CDH13: variants seen among roughly 807,000 people sequenced by gnomAD.
CDH13 encodes the protein cadherin 13.
In CDH13, 24 loss-of-function variants were observed where a neutral mutation model predicts 63.8. The ratio of observed to expected loss-of-function variants is 0.38; its 90% CI spans 0.27 to 0.53. The LOEUF (loss-of-function observed/expected upper bound fraction) is 0.53. Ranked by LOEUF, CDH13 falls within the 20% of genes least tolerant of loss-of-function variation. The pLI is 0.85. For synonymous variants in CDH13, 503 were observed against 355.3 expected (o/e 1.42, Z -4.67); for missense variants, 1,049 against 903.1 (o/e 1.16, Z -2.07).
chr16:83,420,287 C>A (rs2071678393), intron 6 of CDH13, among the ~76,000 whole-genome samples: 1 of 152,070 alleles, frequency 6.6e-6, no homozygotes, highest in African/African-American at 2.4e-5. Flanking sequence ...CAACTAAGGT[C>A]AGTGAAAATT....
At chr16:83,382,433 C>T (rs904421799) in intron 6 of CDH13, among the ~76,000 whole-genome samples, 2 of 152,084 alleles carry the variant, frequency 1.3e-5, no homozygotes, top group Admixed American at 6.5e-5. Context: ...TTCCATACCC[C>T]CTCATGCTGA....
chr16:83,590,871 A>G (rs1906668040), intron 7 of CDH13, among the ~76,000 whole-genome samples: 1 of 149,790 alleles, frequency 6.7e-6, no homozygotes, highest in African/African-American at 2.5e-5. Flanking sequence ...GTGGGCTGTC[A>G]ATCTGTGTTT....
At position 83,424,837 on chromosome 16, in the gene CDH13, C is replaced by T. The variant is rs184106499; in HGVS notation, c.782-61640C>T. ...AAGGTTGATTAGACAGGTAGCTCTT[C>T]GCAGCTTGTGCACTCTCCCTTTGTT... On this transcript the variant is annotated intron_variant, in intron 6 of 13. Transcript: ENST00000567109. Among the ~76,000 whole-genome samples the T allele has an allele frequency of 7.2e-5, 11 of 152,288 alleles. No homozygotes were observed. In the East Asian group the frequency reaches 1.9e-3, roughly 27 times the overall value.
At chr16:83,083,589 A>G (rs1309579835) in intron 3 of CDH13, among the ~76,000 whole-genome samples, 1 of 152,224 alleles carries the variant, frequency 6.6e-6, no homozygotes, top group Non-Finnish European at 1.5e-5. Flanking sequence ...TGTTTTCTCT[A>G]GTACTCTATG....
chr16:83,436,366 G>A (rs1191893831), intron 6 of CDH13, among the ~76,000 whole-genome samples: 1 of 152,080 alleles, frequency 6.6e-6, no homozygotes, highest in East Asian at 1.9e-4. Context: ...ACTCTCTCTA[G>A]AGGCTGGAGA....
At chr16:82,908,417 C>T (rs1041599685) in intron 2 of CDH13, among the ~76,000 whole-genome samples, 7 of 152,088 alleles carry the variant, frequency 4.6e-5, no homozygotes, top group African/African-American at 1.2e-4. Flanking sequence ...AGGTCAAAAG[C>T]GGTCTCAGTT....
At chr16:82,817,763 C>T (rs1236010001) in intron 1 of CDH13, among the ~76,000 whole-genome samples, 1 of 152,146 alleles carries the variant, frequency 6.6e-6, no homozygotes, top group East Asian at 1.9e-4. Context: ...CACAGTCACA[C>T]CACTGCACTT....
intron 2 of CDH13, among the ~76,000 whole-genome samples, chr16:82,988,984 AG>A (rs1490472159): frequency 6.6e-6 from 1 of 152,166 alleles, no homozygotes; most frequent in Non-Finnish European, 1.5e-5. Flanking sequence ...GACCTAAGTG[AG>A]CCCTCTGGAT....
intron 4 of CDH13, chr16:83,180,875 C>G (rs7188594): frequency 6.6e-7 from 1 of 1,523,748 alleles, no homozygotes. Flanking sequence ...TACAGAGAAC[C>G]CACAATCCTA....
intron 5 of CDH13, among the ~76,000 whole-genome samples, chr16:83,247,023 A>T (rs964802): frequency 0.99 from 150,841 of 152,310 alleles, 74,716 homozygotes; most frequent in Middle Eastern, 1. Flanking sequence ...AAAGGATATC[A>T]GATTAGATCT....
intron 10 of CDH13, among the ~76,000 whole-genome samples, chr16:83,713,279 C>T (rs1004386150): frequency 1.3e-5 from 2 of 152,198 alleles, no homozygotes; most frequent in African/African-American, 4.8e-5. Context: ...CCAGCACACA[C>T]CAGAAATGGT....
chr16:83,246,599 G>T (rs1195574133), intron 5 of CDH13, among the ~76,000 whole-genome samples: 1 of 152,066 alleles, frequency 6.6e-6, no homozygotes, highest in Non-Finnish European at 1.5e-5. Context: ...ATTGGTTTGA[G>T]CTATGAAATA....
intron 8 of CDH13, among the ~76,000 whole-genome samples, chr16:83,649,193 TG>T (rs1180363610): frequency 3.9e-5 from 6 of 152,376 alleles, no homozygotes; most frequent in South Asian, 2.1e-4. Context: ...TCCTGCTCCA[TG>T]TGGGTTCTAT....
At chr16:82,724,653 T>C (rs922808166) in intron 1 of CDH13, among the ~76,000 whole-genome samples, 1 of 152,174 alleles carries the variant, frequency 6.6e-6, no homozygotes, top group African/African-American at 2.4e-5. Flanking sequence ...TGTGTGAAGA[T>C]GGATAGTCAA....
At chr16:83,508,067 G>GGAAGGAAGGAAA (rs1555563668) in intron 7 of CDH13, among the ~76,000 whole-genome samples, 2 of 64,196 alleles carry the variant, frequency 3.1e-5, no homozygotes, top group East Asian at 8.1e-4. Context: ...AAGGAAGGAA[G>GGAAGGAAGGAAA]GAAGGAAGGA....
At chr16:82,970,813 A>G (rs1279061172) in intron 2 of CDH13, among the ~76,000 whole-genome samples, 1 of 152,172 alleles carries the variant, frequency 6.6e-6, no homozygotes, top group Admixed American at 6.5e-5. Flanking sequence ...ATTAGTATTA[A>G]CTATAATGAC....
At chr16:83,103,212 C>G (rs973585624) in intron 3 of CDH13, among the ~76,000 whole-genome samples, 2 of 147,672 alleles carry the variant, frequency 1.4e-5, no homozygotes, top group Admixed American at 6.8e-5. Flanking sequence ...CTCAACCTCC[C>G]AAAGTACTGA....
chr16:83,132,384 A>G (rs1168352912), intron 4 of CDH13, among the ~76,000 whole-genome samples: 2 of 150,798 alleles, frequency 1.3e-5, no homozygotes, highest in East Asian at 2.0e-4. Flanking sequence ...ATGTCTAACT[A>G]TATACACTTT....
chr16:83,737,979 A>T (rs1911696197), intron 10 of CDH13, among the ~76,000 whole-genome samples: 1 of 152,246 alleles, frequency 6.6e-6, no homozygotes, highest in Admixed American at 6.5e-5. Context: ...AATGGCAGAC[A>T]GTAATGTATA....
Sources: allele counts gnomAD v4.1 joint callset (sites outside exome capture counted in the v4.1 genomes callset), GRCh38; gene constraint gnomAD v4.1.1; transcripts MANE v1.5; gene names NCBI Gene and HGNC (gene_info 2026-07-23, HGNC 2026-07-21).